ERC2: variants seen among roughly 807,000 people sequenced by gnomAD.
ERC2 encodes the protein ERC protein 2.
Under a neutral mutation model 114.8 loss-of-function variants are expected in ERC2, and 42 were observed. The ratio of observed to expected loss-of-function variants is 0.37; its 90% CI spans 0.29 to 0.47. ERC2 has a LOEUF of 0.47. Ranked by LOEUF, ERC2 falls within the 20% of genes least tolerant of loss-of-function variation. ERC2 has a pLI of 0.99. For missense variants in ERC2, 939 were observed against 1,150.7 expected, an observed-to-expected ratio of 0.82 and a Z score of 2.66; for synonymous variants, 454 against 425.5, an observed-to-expected ratio of 1.07 and a Z score of -0.82.
At chr3:55,575,370 GTTC>G (rs1229034935) in intron 17 of ERC2, among the ~76,000 whole-genome samples, 2 of 152,162 alleles carry the variant, frequency 1.3e-5, no homozygotes, top group Non-Finnish European at 2.9e-5. Context: ...CCACCCCAGG[GTTC>G]TTCTGACCAA....
At chr3:56,430,896 C>T (rs2061761786) in intron 2 of ERC2, among the ~76,000 whole-genome samples, 1 of 152,088 alleles carries the variant, frequency 6.6e-6, no homozygotes. Flanking sequence ...AATACTAAAT[C>T]ACAGCTCAGT....
chr3:55,524,367 A>G (rs1272239475), intron 17 of ERC2, among the ~76,000 whole-genome samples: 1 of 152,190 alleles, frequency 6.6e-6, no homozygotes, highest in Non-Finnish European at 1.5e-5. Flanking sequence ...AGGAACCCCA[A>G]GCTTCCCCAA....
intron 17 of ERC2, among the ~76,000 whole-genome samples, chr3:55,517,206 AG>A (rs2052575752): frequency 6.6e-6 from 1 of 152,128 alleles, no homozygotes; most frequent in Non-Finnish European, 1.5e-5. Flanking sequence ...TTCGGGAGGC[AG>A]AGGCGGGCGG....
intron 17 of ERC2, among the ~76,000 whole-genome samples, chr3:55,567,048 C>T (rs917833129): frequency 6.6e-6 from 1 of 152,130 alleles, no homozygotes; most frequent in Admixed American, 6.5e-5. Flanking sequence ...GACCATATTC[C>T]AAGTGCTGGA....
At chr3:56,042,967 C>A (rs1451057481) in intron 7 of ERC2, among the ~76,000 whole-genome samples, 1 of 151,946 alleles carries the variant, frequency 6.6e-6, no homozygotes, top group Non-Finnish European at 1.5e-5. Flanking sequence ...CAGGCAAAAT[C>A]CAAAGGAGCT....
At chr3:55,615,239 A>G (rs2059076035) in intron 17 of ERC2, among the ~76,000 whole-genome samples, 1 of 152,242 alleles carries the variant, frequency 6.6e-6, no homozygotes, top group African/African-American at 2.4e-5. Flanking sequence ...ATTAAGAGTT[A>G]AAAAATAAAA....
intron 5 of ERC2, among the ~76,000 whole-genome samples, chr3:56,141,630 T>A (rs1466441507): frequency 6.6e-6 from 1 of 152,226 alleles, no homozygotes; most frequent in Non-Finnish European, 1.5e-5. Flanking sequence ...ATTACAACTA[T>A]ACCAAAAGTA....
intron 14 of ERC2, among the ~76,000 whole-genome samples, chr3:55,744,339 G>A (rs2066175459): frequency 6.6e-6 from 1 of 152,162 alleles, no homozygotes; most frequent in Non-Finnish European, 1.5e-5. Flanking sequence ...AGCAGGGGGA[G>A]GTTGCAGTGA....
intron 3 of ERC2, among the ~76,000 whole-genome samples, chr3:56,258,713 G>A (rs1370524399): frequency 6.6e-6 from 1 of 152,138 alleles, no homozygotes; most frequent in East Asian, 1.9e-4. Context: ...GGAGCTGGCT[G>A]GATTTGGCCC....
chr3:56,101,209 G>T (rs2078334575), intron 6 of ERC2, among the ~76,000 whole-genome samples: 1 of 152,178 alleles, frequency 6.6e-6, no homozygotes, highest in East Asian at 1.9e-4. Flanking sequence ...GCAGGCTGGT[G>T]CGCCTCCAGC....
At chr3:55,815,167 T>A (rs1485271051) in intron 14 of ERC2, among the ~76,000 whole-genome samples, 4 of 152,146 alleles carry the variant, frequency 2.6e-5, no homozygotes, top group African/African-American at 9.7e-5. Context: ...ATAACTTCAA[T>A]TAGGGTTCAA....
chr3:55,846,167 G>T (rs761027316), intron 14 of ERC2, among the ~76,000 whole-genome samples: 1 of 152,088 alleles, frequency 6.6e-6, no homozygotes, highest in East Asian at 1.9e-4. Context: ...CTTCAAGTAG[G>T]TTCCAGAGTC....
chr3:56,456,253 G>A (rs928317330), intron 1 of ERC2, among the ~76,000 whole-genome samples: 2 of 152,062 alleles, frequency 1.3e-5, no homozygotes, highest in Non-Finnish European at 2.9e-5. Context: ...CTCGTTACTT[G>A]TTTGCCAAAA....
At chr3:56,381,353 T>G (rs1016966902) in intron 2 of ERC2, among the ~76,000 whole-genome samples, 8 of 152,262 alleles carry the variant, frequency 5.3e-5, no homozygotes, top group African/African-American at 1.9e-4. Flanking sequence ...CATAACAAAA[T>G]TCACGCACAC....
chr3:56,209,152 CT>C (rs1209323486), intron 3 of ERC2, among the ~76,000 whole-genome samples: 2 of 152,162 alleles, frequency 1.3e-5, no homozygotes, highest in African/African-American at 4.8e-5. Flanking sequence ...ACACCACCCC[CT>C]TTTTCTCACT....
chr3:55,689,646 T>C (rs999449609), intron 16 of ERC2, among the ~76,000 whole-genome samples: 3 of 152,070 alleles, frequency 2.0e-5, no homozygotes, highest in Non-Finnish European at 4.4e-5. Context: ...AATTTCCTTT[T>C]GACTCTTCAT....
chr3:56,397,698 A>C (rs1219502003), intron 2 of ERC2, among the ~76,000 whole-genome samples: 1 of 152,244 alleles, frequency 6.6e-6, no homozygotes, highest in Non-Finnish European at 1.5e-5. Flanking sequence ...TGTACTCAAG[A>C]TAACAGCGGC....
intron 13 of ERC2, among the ~76,000 whole-genome samples, chr3:55,907,475 C>A (rs914561044): frequency 2.6e-5 from 4 of 152,190 alleles, no homozygotes; most frequent in African/African-American, 9.7e-5. Flanking sequence ...GCTGTAATGA[C>A]CCATATTAGC....
At chr3:55,734,652 G>T in intron 15 of ERC2, 119 bp downstream of exon 15, 1 of 1,259,272 alleles carries the variant, frequency 7.9e-7, no homozygotes, top group Non-Finnish European at 1.1e-6. Context: ...ACTCCTACCT[G>T]GTTTTAGGAG....
Sources: gnomAD v4.1 joint callset for allele counts (sites outside exome capture counted in the v4.1 genomes callset) on GRCh38, gnomAD v4.1.1 for gene constraint, MANE v1.5 for transcripts, NCBI Gene and HGNC (gene_info 2026-07-23, HGNC 2026-07-21) for gene names.